CRHBP: variants seen among roughly 807,000 people sequenced by gnomAD.
CRHBP encodes corticotropin-releasing hormone-binding protein.
CRHBP carries 19 observed loss-of-function variants against 34.9 expected under a neutral mutation model. The ratio of observed to expected loss-of-function variants is 0.55; its 90% CI spans 0.38 to 0.80. The LOEUF (loss-of-function observed/expected upper bound fraction) is 0.80. Ranked by LOEUF, CRHBP falls within the 30% of genes least tolerant of loss-of-function variation. The probability of loss-of-function intolerance (pLI) is 0.00; values close to 1 mark genes in which losing one functional copy is unlikely to be tolerated. For synonymous variants in CRHBP, 154 were observed against 153.4 expected, an observed-to-expected ratio of 1.00 and a Z score of -0.03; for missense variants, 328 against 409.2, an observed-to-expected ratio of 0.80 and a Z score of 1.71.
Position 76,969,063 on chromosome 5 carries a change from T to G in CRHBP, c.*178T>G, listed in dbSNP as rs941154183. On this transcript the variant is annotated 3_prime_UTR_variant, in exon 7 of 7. Coordinates refer to ENST00000274368, the MANE Select transcript of CRHBP (RefSeq NM_001882.4). The stretch of plus-strand genomic sequence containing the variant: ...CACGCATTAATTTTTGTACTTTGCT[T>G]CTTTTATGTTTGTAATCTGTAAATG... 1 of 593,680 alleles carries G rather than the reference T, an allele frequency of 1.7e-6. No individual in the cohort carries two copies. Among genetic ancestry groups the G allele is most frequent in the Non-Finnish European group, 2.7e-6 (1 of 368,126 alleles). The allele number at this position is 593,680 out of a possible 1,614,324, so 36.8% of individuals were successfully genotyped here. A position where few individuals can be genotyped will look rare whatever the true frequency, so the allele number is the denominator to read the frequency against.
At chr5:76,978,229 T>A (rs1027238881) in intron 3 of CRHBP, among the ~76,000 whole-genome samples, 1 of 152,144 alleles carries the variant, frequency 6.6e-6, no homozygotes, top group African/African-American at 2.4e-5. Context: ...TCCAAACAAC[T>A]GATTTTCAAT....
intron 3 of CRHBP, among the ~76,000 whole-genome samples, chr5:76,978,613 A>G (rs1227005872): frequency 6.6e-6 from 1 of 152,236 alleles, no homozygotes; most frequent in African/African-American, 2.4e-5. Flanking sequence ...GGAAATGTAC[A>G]AAAAGATTAA....
intron 6 of CRHBP, among the ~76,000 whole-genome samples, chr5:76,966,423 C>T (rs1410089102): frequency 6.6e-6 from 1 of 152,182 alleles, no homozygotes; most frequent in Non-Finnish European, 1.5e-5. Flanking sequence ...CATGCTTGTT[C>T]CACGGCCAGT....
chr5:76,981,135 A>G (rs1020035031), exon 4 of CRHBP: 1 of 152,264 alleles, frequency 6.6e-6, no homozygotes, highest in Non-Finnish European at 1.5e-5. Flanking sequence ...GTTCTCAACC[A>G]AATAAAATAT....
chr5:76,953,090 A>T lies in CRHBP; in HGVS notation c.-45A>T. On this transcript the variant is annotated 5_prime_UTR_variant, in exon 1 of 7. Coordinates refer to ENST00000274368, the MANE Select transcript of CRHBP (RefSeq NM_001882.4). Reference sequence around the variant, plus strand: ...CGCGAGGGTGTAGGAAGGAAAGCCCAGGACCTCCGGAGCAGAGCACAGCAG... The same window carrying T: ...CGCGAGGGTGTAGGAAGGAAAGCCCTGGACCTCCGGAGCAGAGCACAGCAG... 1 of 1,599,108 alleles carries T rather than the reference A, an allele frequency of 6.3e-7. No homozygotes were observed. Among genetic ancestry groups the T allele is most frequent in the Non-Finnish European group, 8.6e-7 (1 of 1,166,406 alleles).
Position 76,954,180 on chromosome 5 carries a change from C to T in CRHBP, c.327C>T (p.Phe109=), listed in dbSNP as rs1377716996. ...CCATCGACTGTCAGGGCGGCGACTT[C>T]CTGAAGGTGAGGCGCCCACGGCCAG... The part of the protein sequence containing the change: ...QVSIDCQGGD[F]LKVFDGWILK... The change falls in exon 3 of 7, where the codon TTC becomes TTT. Residue 109 remains phenylalanine (F), a synonymous_variant. Transcript: ENST00000274368. The T allele has an allele frequency of 1.2e-6, 2 of 1,612,728 alleles. No homozygotes were observed. Among genetic ancestry groups the T allele is most frequent in the African/African-American group, 2.7e-5 (2 of 74,866 alleles).
chr5:76,969,060 G>C lies in CRHBP; in HGVS notation c.*175G>C. On this transcript the variant is annotated 3_prime_UTR_variant, in exon 7 of 7. Transcript: ENST00000274368. ...ACACACGCATTAATTTTTGTACTTT[G>C]CTTCTTTTATGTTTGTAATCTGTAA... The C allele has an allele frequency of 1.6e-6, 1 of 612,552 alleles. No individual in the cohort carries two copies. Among genetic ancestry groups the C allele is most frequent in the Non-Finnish European group, 2.6e-6 (1 of 386,038 alleles). 37.9% of individuals were successfully genotyped at this position (612,552 alleles called of 1,614,324 possible).
intron 1 of CRHBP, 61 bp downstream of exon 1, chr5:76,953,276 C>A: frequency 4.7e-6 from 7 of 1,496,366 alleles, no homozygotes; most frequent in Non-Finnish European, 6.5e-6. Flanking sequence ...AGGCGGCAGG[C>A]AGGCTGCCTC....
chr5:76,972,626 C>A (rs189106898), downstream of CRHBP, among the ~76,000 whole-genome samples: 18 of 152,326 alleles, frequency 1.2e-4, no homozygotes, highest in African/African-American at 4.1e-4. Flanking sequence ...GCCACTGCAC[C>A]CAGCCTTGTG....
At chr5:76,975,825 A>AAAATATATATATATAT in intron 2 of CRHBP, among the ~76,000 whole-genome samples, 2 of 61,844 alleles carry the variant, frequency 3.2e-5, no homozygotes, top group African/African-American at 1.8e-4. Flanking sequence ...AAAAAAAAAA[A>AAAATATATATATATAT]ATATATATAT....
Position 76,958,782 on chromosome 5 carries a change from C to A in CRHBP, c.586C>A (p.Leu196Met), listed in dbSNP as rs756379046. The A allele has an allele frequency of 1.2e-6, 2 of 1,613,554 alleles. No individual in the cohort carries two copies. Among genetic ancestry groups the A allele is most frequent in the Non-Finnish European group, 1.7e-6 (2 of 1,179,804 alleles). The change falls in exon 5 of 7, where the codon CTG becomes ATG. Residue 196 changes from leucine (L) to methionine (M), a missense_variant. Physicochemically the swap from Leu to Met is conservative, Grantham distance 15. Around this residue, in one of 3 missense-constraint regions of CRHBP, gnomAD observed 144 missense variants for 216.7 expected, o/e 0.66. Coordinates refer to ENST00000274368, the MANE Select transcript of CRHBP (RefSeq NM_001882.4). Reference sequence around the variant, plus strand: ...TCAGACTCCAAATGGAAAGTTTACCCTGGTAGTTCCACACCAGCATCGAAA... The same window carrying A: ...TCAGACTCCAAATGGAAAGTTTACCATGGTAGTTCCACACCAGCATCGAAA... ...ISQTPNGKFTLVVPHQHRNCS... is the reference protein window; with the variant it reads ...ISQTPNGKFTMVVPHQHRNCS...
Position 76,953,706 on chromosome 5 carries a change from C to T in CRHBP, c.175+12C>T. The T allele has an allele frequency of 6.3e-7, 1 of 1,599,704 alleles. No individual in the cohort carries two copies. Among genetic ancestry groups the T allele is most frequent in the South Asian group, 1.1e-5 (1 of 89,062 alleles). On this transcript the variant is annotated intron_variant, in intron 2 of 6. Transcript: ENST00000274368. ...CCGCCGCGCTCTGCGTGAGTCGAGG[C>T]TGCCCGGCTCGCGGGCGCCCGGGAC...
intron 6 of CRHBP, 85 bp downstream of exon 6, chr5:76,963,545 G>T: frequency 8.1e-7 from 1 of 1,239,190 alleles, no homozygotes; most frequent in South Asian, 1.4e-5. Flanking sequence ...TACATTGGAA[G>T]GTGAGTTTCG....
downstream of CRHBP, among the ~76,000 whole-genome samples, chr5:76,972,943 T>G (rs1745967537): frequency 6.6e-6 from 1 of 152,130 alleles, no homozygotes; most frequent in Admixed American, 6.6e-5. Context: ...CCTCCACACC[T>G]TCTCTCTCTT....
chr5:76,955,054 A>G (rs1029411738), intron 3 of CRHBP, among the ~76,000 whole-genome samples: 1 of 152,192 alleles, frequency 6.6e-6, no homozygotes, highest in Non-Finnish European at 1.5e-5. Context: ...TTCAACTGCA[A>G]ACTTTAACAA....
intron 4 of CRHBP, among the ~76,000 whole-genome samples, chr5:76,957,643 C>T (rs1580091692): frequency 6.6e-6 from 1 of 152,242 alleles, no homozygotes; most frequent in South Asian, 2.1e-4. Context: ...CTCGGCCTCC[C>T]AAAGTGCTGG....
chr5:76,969,084 A>G lies in CRHBP; in HGVS notation c.*199A>G. 2.0e-6 allele frequency: 1 copy of G among 494,188 alleles called. No homozygotes were observed. The highest frequency in any genetic ancestry group is 3.5e-6 in the Non-Finnish European group (1 of 289,250). The allele number at this position is 494,188 out of a possible 1,614,324, so 30.6% of individuals were successfully genotyped here. A position where few individuals can be genotyped will look rare whatever the true frequency, so the allele number is the denominator to read the frequency against. Reference sequence around the variant, plus strand: ...TGCTTCTTTTATGTTTGTAATCTGTAAATGAACACATGGCAGAAAATAACC... The same window carrying G: ...TGCTTCTTTTATGTTTGTAATCTGTGAATGAACACATGGCAGAAAATAACC... On this transcript the variant is annotated 3_prime_UTR_variant, in exon 7 of 7. Transcript: ENST00000274368.
intron 5 of CRHBP, among the ~76,000 whole-genome samples, chr5:76,960,532 G>C (rs1031275934): frequency 1.3e-5 from 2 of 152,170 alleles, no homozygotes; most frequent in South Asian, 4.1e-4. Context: ...TCCATGCAAT[G>C]AATGGGCTGT....
At chr5:76,962,265 A>AAATGTGGG (rs777868168) in intron 5 of CRHBP, among the ~76,000 whole-genome samples, 63 of 152,284 alleles carry the variant, frequency 4.1e-4, no homozygotes, top group Admixed American at 8.5e-4. Flanking sequence ...GTACAAATGA[A>AAATGTGGG]AATGTGGGAG....
Sources: allele counts gnomAD v4.1 joint callset (sites outside exome capture counted in the v4.1 genomes callset), GRCh38; gene constraint gnomAD v4.1.1; regional missense constraint gnomAD v4.1.1; transcripts MANE v1.5; gene names NCBI Gene and HGNC (gene_info 2026-07-23, HGNC 2026-07-21).